NUP205: variants seen among roughly 807,000 people sequenced by gnomAD.
NUP205 encodes nuclear pore complex protein Nup205.
A neutral mutation model predicts 253.8 loss-of-function variants in NUP205; 76 were observed. The observed-to-expected ratio is 0.30, with a 90% CI of 0.25 to 0.36. NUP205 has a LOEUF of 0.36. Ranked by LOEUF, NUP205 falls within the 10% of genes least tolerant of loss-of-function variation. NUP205 has a pLI of 1.00. For synonymous variants in NUP205, 832 were observed against 850.1 expected, an observed-to-expected ratio of 0.98 and a Z score of 0.37; for missense variants, 2,162 against 2,425.5, an observed-to-expected ratio of 0.89 and a Z score of 2.28.
Position 135,638,860 on chromosome 7 carries a change from C to A in NUP205, c.5392+177C>A, listed in dbSNP as rs78684057. Reference sequence around the variant, plus strand: ...ATTATTATTAGACCTATGTACAAGACTGGAGAGAATAGAGAAATTCAGGAT... The same window carrying A: ...ATTATTATTAGACCTATGTACAAGAATGGAGAGAATAGAGAAATTCAGGAT... On this transcript the variant is annotated intron_variant, in intron 38 of 42. Coordinates refer to ENST00000285968, the MANE Select transcript of NUP205 (RefSeq NM_015135.3). Among the ~76,000 whole-genome samples, 7,559 of 152,118 alleles carry A rather than the reference C, an allele frequency of 0.05. 402 individuals are homozygous for A. The highest frequency in any genetic ancestry group is 0.13 in the African/African-American group (5,575 of 41,446).
At chr7:135,641,047 T>C (rs1794907730) in intron 38 of NUP205, among the ~76,000 whole-genome samples, 2 of 152,026 alleles carry the variant, frequency 1.3e-5, no homozygotes, top group Admixed American at 6.6e-5. Context: ...AAAAGTTTGC[T>C]GCCAGGAAGA....
chr7:135,618,459 G>T lies in NUP205; in HGVS notation c.3819G>T (p.Leu1273=), dbSNP rs1794404357. Residue 1273 remains leucine, a synonymous_variant, in exon 28 of 43, where the codon CTG becomes CTT. Transcript: ENST00000285968. The part of the protein sequence containing the change: ...LQYVVGRNKL[L]QCLHAKRHAL... ...ATGTGGTAGGAAGAAATAAATTGCT[G>T]CAGTGTCTTCATGCAAAACGTCATG... is the stretch of plus-strand genomic sequence containing the variant. 2.5e-6 allele frequency: 4 copies of T among 1,614,094 alleles called. No individual in the cohort carries two copies. The highest frequency in any genetic ancestry group is 1.1e-5 in the South Asian group (1 of 91,074).
intron 1 of NUP205, among the ~76,000 whole-genome samples, chr7:135,560,651 A>G (rs1157650443): frequency 2.0e-5 from 3 of 152,258 alleles, no homozygotes; most frequent in Non-Finnish European, 4.4e-5. Flanking sequence ...TGCAGCCTTA[A>G]AAAGGAAGGA....
chr7:135,571,809 C>T (rs1402310787), intron 2 of NUP205, among the ~76,000 whole-genome samples: 1 of 152,250 alleles, frequency 6.6e-6, no homozygotes, highest in East Asian at 1.9e-4. Context: ...CAAGTAAACT[C>T]TTAATGTACG....
At chr7:135,633,627 G>T (rs1488752894) in intron 35 of NUP205, among the ~76,000 whole-genome samples, 2 of 151,202 alleles carry the variant, frequency 1.3e-5, no homozygotes, top group Admixed American at 6.6e-5. Flanking sequence ...TTTTGTTGTT[G>T]AGACAAGGTC....
intron 21 of NUP205, 66 bp from the exon 22 acceptor site, chr7:135,607,181 G>A: frequency 1.3e-6 from 2 of 1,573,388 alleles, no homozygotes; most frequent in East Asian, 2.2e-5. Flanking sequence ...CTTTTGAAAA[G>A]GCAGTCTAAG....
At chr7:135,606,448 A>ATTTTGGAT (rs1231470226) in intron 20 of NUP205, among the ~76,000 whole-genome samples, 3 of 152,190 alleles carry the variant, frequency 2.0e-5, no homozygotes, top group Non-Finnish European at 2.9e-5. Context: ...TTCATTTTGG[A>ATTTTGGAT]TTTTGGATTT....
chr7:135,562,956 C>CT (rs1365121272), intron 1 of NUP205, among the ~76,000 whole-genome samples: 1 of 152,148 alleles, frequency 6.6e-6, no homozygotes, highest in Non-Finnish European at 1.5e-5. Context: ...CGCATTCCCT[C>CT]TTGCCATGGA....
chr7:135,587,812 C>T (rs1396928786), intron 9 of NUP205, 43 bp from the exon 10 acceptor site: 2 of 1,552,088 alleles, frequency 1.3e-6, no homozygotes, highest in East Asian at 2.3e-5. Flanking sequence ...AGTAATTTTT[C>T]AGTCATAGAC....
intron 22 of NUP205, chr7:135,613,587 A>G (rs1178496839): frequency 1.4e-5 from 2 of 146,568 alleles, no homozygotes; most frequent in African/African-American, 5.1e-5. Flanking sequence ...ACCAGGCTGG[A>G]GTGCAGTGTC....
chr7:135,604,272 CT>C, intron 18 of NUP205, 67 bp from the exon 19 acceptor site: 1 of 1,419,408 alleles, frequency 7.0e-7, no homozygotes, highest in Non-Finnish European at 9.5e-7. Context: ...TCTAAATTTT[CT>C]TTATTGAGAA....
intron 18 of NUP205, 57 bp from the exon 19 acceptor site, chr7:135,604,283 A>T (rs1324704599): frequency 6.6e-7 from 1 of 1,505,906 alleles, no homozygotes; most frequent in East Asian, 2.3e-5. Flanking sequence ...TTTATTGAGA[A>T]TAGTGAGACA....
chr7:135,618,957 G>A lies in NUP205; in HGVS notation c.3963+354G>A, dbSNP rs1198870258. ...AAGAACACCCATTACCTAGCATCATGTTTAAATTTCTCTGTATATATTAGA... is the reference window on the plus strand; with the variant it reads ...AAGAACACCCATTACCTAGCATCATATTTAAATTTCTCTGTATATATTAGA... On this transcript the variant is annotated intron_variant, in intron 28 of 42. Transcript: ENST00000285968. 2.0e-5 allele frequency among the ~76,000 whole-genome samples: 3 copies of A among 152,120 alleles called. No individual in the cohort carries two copies. The East Asian group carries it at 5.8e-4, about 29-fold the overall frequency.
intron 22 of NUP205, among the ~76,000 whole-genome samples, chr7:135,612,604 G>C (rs1426996248): frequency 2.6e-5 from 4 of 152,170 alleles, no homozygotes; most frequent in African/African-American, 9.7e-5. Context: ...TAGTATGATA[G>C]CTGGAACAGG....
rs989466815 is a variant in NUP205, at chr7:135,611,827, A to G, written c.3196-2332A>G. 2.2e-4 allele frequency among the ~76,000 whole-genome samples: 34 copies of G among 152,180 alleles called. 1 individual carries two copies. Among genetic ancestry groups the G allele is most frequent in the African/African-American group, 7.7e-4 (32 of 41,440 alleles). ...TGTTTTGTATTTTTCTTAAGAATAT[A>G]TTTCCAGGCGGGCACTGTGGGTCAC... On this transcript the variant is annotated intron_variant, in intron 22 of 42. Transcript: ENST00000285968.
chr7:135,587,784 G>A, intron 9 of NUP205, 71 bp from the exon 10 acceptor site: 1 of 1,530,784 alleles, frequency 6.5e-7, no homozygotes, highest in Non-Finnish European at 8.8e-7. Flanking sequence ...TACTTTAAAT[G>A]TCCTTTTTTT....
At chr7:135,605,503 C>T (rs1342671742) in intron 19 of NUP205, among the ~76,000 whole-genome samples, 1 of 152,142 alleles carries the variant, frequency 6.6e-6, no homozygotes, top group Non-Finnish European at 1.5e-5. Flanking sequence ...TAGATGACTC[C>T]ACTTATTTCT....
intron 16 of NUP205, 121 bp downstream of exon 16, chr7:135,601,090 T>C (rs1208153202): frequency 1.6e-6 from 1 of 612,224 alleles, no homozygotes; most frequent in Admixed American, 3.4e-5. Flanking sequence ...TTTGTTTCAT[T>C]GTTTTAATCA....
chr7:135,575,213 G>T (rs1340371520), intron 3 of NUP205, among the ~76,000 whole-genome samples: 1 of 152,220 alleles, frequency 6.6e-6, no homozygotes, highest in Non-Finnish European at 1.5e-5. Context: ...AGATGGTCCA[G>T]AGATTTAGAG....
Sources: gnomAD v4.1 joint callset for allele counts (sites outside exome capture counted in the v4.1 genomes callset) on GRCh38, gnomAD v4.1.1 for gene constraint, MANE v1.5 for transcripts, NCBI Gene and HGNC (gene_info 2026-07-23, HGNC 2026-07-21) for gene names.